The following ABHD12 variants were observed in gnomAD, a reference collection of about 807,000 sequenced individuals.
The protein encoded by ABHD12 is abhydrolase domain containing 12, lysophospholipase, also known as lysophosphatidylserine lipase ABHD12.
In ABHD12, 43 loss-of-function variants were observed where a neutral mutation model predicts 58.3. The observed-to-expected ratio is 0.74, with a 90% confidence interval of 0.58 to 0.95. ABHD12 has a LOEUF of 0.95. ABHD12 is among the 40% of genes least tolerant of loss of function. The probability of loss-of-function intolerance (pLI) is 0.00; values close to 1 mark genes in which losing one functional copy is unlikely to be tolerated. For missense variants in ABHD12, 539 were observed against 537.2 expected (o/e 1.00, Z -0.03); for synonymous variants, 219 against 211.2 (o/e 1.04, Z -0.32).
In ABHD12 at chr20:25,309,548, G is replaced by A; in HGVS notation, c.647C>T (p.Ser216Phe). Reference sequence around the variant, plus strand: ...TGCGTCATAGGTCATGCCCCGCTCAGATGGCGTTCCCACTGAGTCACCCCA... The same window carrying A: ...TGCGTCATAGGTCATGCCCCGCTCAAATGGCGTTCCCACTGAGTCACCCCA... ...RGWGDSVGTP[S>F]ERGMTYDALH... The change falls in exon 7 of 13, where the codon TCT becomes TTT. Residue 216 changes from serine (S) to phenylalanine (F), a missense_variant. Transcript: ENST00000339157. 1 of 1,614,190 alleles carries A rather than the reference G, an allele frequency of 6.2e-7. No individual in the cohort carries two copies. Among genetic ancestry groups the A allele is most frequent in the Non-Finnish European group, 8.5e-7 (1 of 1,180,016 alleles).
intron 1 of ABHD12, among the ~76,000 whole-genome samples, chr20:25,341,571 A>C (rs1433392321): frequency 1.3e-5 from 2 of 152,188 alleles, no homozygotes; most frequent in East Asian, 3.9e-4. Flanking sequence ...CTTGGTGGGG[A>C]TGATAATGGT....
rs186100172 is a variant in ABHD12, at chr20:25,347,604, G to A, written c.192-8253C>T. ...CTTTGAGTGGCCAAGGCAGCAGGACGCCTTGAGCACCTTGAGTTTGAAACT... is the reference window on the plus strand; with the variant it reads ...CTTTGAGTGGCCAAGGCAGCAGGACACCTTGAGCACCTTGAGTTTGAAACT... On this transcript the variant is annotated intron_variant, in intron 1 of 12. Coordinates refer to ENST00000339157, the MANE Select transcript of ABHD12 (RefSeq NM_001042472.3). Among the ~76,000 whole-genome samples, 15 of 152,010 alleles carry A rather than the reference G, an allele frequency of 9.9e-5. No homozygotes were observed. The East Asian group carries it at 2.5e-3, about 26-fold the overall frequency.
At chr20:25,339,487 A>G (rs1021089422) in intron 1 of ABHD12, 136 bp from the exon 2 acceptor site, 11 of 1,440,000 alleles carry the variant, frequency 7.6e-6, no homozygotes, top group African/African-American at 1.4e-5. Context: ...CAATAATAAA[A>G]GTAGCCTCCC....
At chr20:25,328,447 G>T (rs141468367) in intron 2 of ABHD12, among the ~76,000 whole-genome samples, 98 of 152,290 alleles carry the variant, frequency 6.4e-4, no homozygotes, top group Non-Finnish European at 1.2e-3. Flanking sequence ...TGCCTCTGAC[G>T]CTGGAACCAG....
intron 1 of ABHD12, among the ~76,000 whole-genome samples, chr20:25,340,924 T>C (rs1196664363): frequency 6.6e-6 from 1 of 152,214 alleles, no homozygotes; most frequent in Non-Finnish European, 1.5e-5. Flanking sequence ...GGTCACATGA[T>C]GGCACACATT....
intron 2 of ABHD12, among the ~76,000 whole-genome samples, chr20:25,329,765 G>GA (rs1300420356): frequency 1.3e-5 from 2 of 152,184 alleles, no homozygotes; most frequent in Non-Finnish European, 2.9e-5. Context: ...GGTGTCAAGG[G>GA]AAAGCCTGGG....
chr20:25,304,332 G>T (rs2088695583), intron 10 of ABHD12, among the ~76,000 whole-genome samples: 1 of 152,248 alleles, frequency 6.6e-6, no homozygotes. Flanking sequence ...CTTGTCTGAT[G>T]TGCGAGTCCC....
chr20:25,305,367 CT>C (rs11087512), intron 10 of ABHD12, among the ~76,000 whole-genome samples: 73 of 143,520 alleles, frequency 5.1e-4, no homozygotes, highest in Admixed American at 6.2e-4. Flanking sequence ...TACTTTCCCT[CT>C]TTTTTTTTTT....
At chr20:25,308,108 G>A in intron 8 of ABHD12, 63 bp from the exon 9 acceptor site, 5 of 1,115,788 alleles carry the variant, frequency 4.5e-6, no homozygotes, top group Non-Finnish European at 4.1e-6. Flanking sequence ...TGTGGCCTGT[G>A]GGGCTCTGAG....
intron 1 of ABHD12, among the ~76,000 whole-genome samples, chr20:25,367,138 A>G (rs2089833468): frequency 6.6e-6 from 1 of 152,204 alleles, no homozygotes; most frequent in South Asian, 2.1e-4. Context: ...TTTATATCTT[A>G]CAACCAACTA....
At chr20:25,296,338 G>A (rs368349156), downstream of ABHD12, 20 of 1,612,954 alleles carry the variant, frequency 1.2e-5, no homozygotes, top group South Asian at 3.3e-5. Flanking sequence ...GCCCTGTGAC[G>A]CCAGAGACTA....
intron 2 of ABHD12, among the ~76,000 whole-genome samples, chr20:25,337,729 GC>G (rs1268237399): frequency 6.6e-6 from 1 of 152,234 alleles, no homozygotes; most frequent in Non-Finnish European, 1.5e-5. Context: ...TGAATCTGCA[GC>G]CCTTGTAGCT....
chr20:25,308,432 G>A (rs772238917), intron 8 of ABHD12, 25 bp downstream of exon 8: 9 of 1,609,110 alleles, frequency 5.6e-6, no homozygotes, highest in African/African-American at 1.3e-5. Flanking sequence ...TCACTGCCAC[G>A]GCTGGGGCCC....
chr20:25,316,006 C>T lies in ABHD12; in HGVS notation c.574-1036G>A, dbSNP rs550913428. On this transcript the variant is annotated intron_variant, in intron 5 of 12. Coordinates refer to ENST00000339157, the MANE Select transcript of ABHD12 (RefSeq NM_001042472.3). ...AACCAAGCACAAGTGAAGGTCTGCA[C>T]GCCCTGCCCTAGGCACCCCCTGCAT... Among the ~76,000 whole-genome samples the T allele has an allele frequency of 7.2e-5, 11 of 152,334 alleles. No homozygotes were observed. In the South Asian group the frequency reaches 1.9e-3, roughly 26 times the overall value.
At chr20:25,363,055 G>A (rs1231618233) in intron 1 of ABHD12, among the ~76,000 whole-genome samples, 1 of 151,714 alleles carries the variant, frequency 6.6e-6, no homozygotes, top group Non-Finnish European at 1.5e-5. Flanking sequence ...TTTTTATAAG[G>A]GTTATCTATT....
intron 1 of ABHD12, among the ~76,000 whole-genome samples, chr20:25,366,113 C>T (rs144368083): frequency 3.9e-5 from 6 of 152,132 alleles, no homozygotes; most frequent in African/African-American, 1.2e-4. Flanking sequence ...TGCTATCTTT[C>T]GCATATTTTT....
Position 25,300,861 on chromosome 20 carries a change from G to C in ABHD12, c.1181C>G (p.Pro394Arg). ...CGGCCAGGCTCAGTGCTGGTGCTCA[G>C]GCTCCGACTTCCCCAGGAATTCCCT... ...ILREFLGKSE[P>R]EHQH Residue 394 changes from proline to arginine, a missense_variant, in exon 13 of 13, where the codon CCT becomes CGT. By Grantham distance (103) the Pro-to-Arg change is moderately radical. Coordinates refer to ENST00000339157, the MANE Select transcript of ABHD12 (RefSeq NM_001042472.3). 4 of 1,614,058 alleles carry C rather than the reference G, an allele frequency of 2.5e-6. No homozygotes were observed. Among genetic ancestry groups the C allele is most frequent in the Non-Finnish European group, 3.4e-6 (4 of 1,179,974 alleles).
At chr20:25,331,088 A>C (rs1305529361) in intron 2 of ABHD12, among the ~76,000 whole-genome samples, 1 of 152,186 alleles carries the variant, frequency 6.6e-6, no homozygotes, top group East Asian at 1.9e-4. Context: ...AGAATGTATA[A>C]CTAGAATAAC....
chr20:25,380,045 T>C (rs982067188), intron 1 of ABHD12, among the ~76,000 whole-genome samples: 2 of 152,068 alleles, frequency 1.3e-5, no homozygotes, highest in African/African-American at 4.8e-5. Context: ...CTTTTGAAAA[T>C]TTGTTTGGTT....
Sources: gnomAD v4.1 joint callset for allele counts (sites outside exome capture counted in the v4.1 genomes callset) on GRCh38, gnomAD v4.1.1 for gene constraint, MANE v1.5 for transcripts, NCBI Gene and HGNC (gene_info 2026-07-23, HGNC 2026-07-21) for gene names.